DLG2: variants seen among roughly 807,000 people sequenced by gnomAD.
The protein encoded by DLG2 is discs large MAGUK scaffold protein 2.
A neutral mutation model predicts 132.5 loss-of-function variants in DLG2; 45 were observed. The observed-to-expected ratio is 0.34, with a 90% CI of 0.27 to 0.44. The LOEUF is 0.44. Among genes scored for constraint, DLG2 ranks in the 20% least tolerant of loss-of-function variants. The pLI, the probability that DLG2 is intolerant of heterozygous loss-of-function variation, is 1.00. For synonymous variants in DLG2, 424 were observed against 419.6 expected (o/e 1.01, Z -0.13); for missense variants, 1,045 against 1,196.9 (o/e 0.87, Z 1.87).
chr11:84,247,701 GTC>G (rs1328648240), intron 8 of DLG2, among the ~76,000 whole-genome samples: 1 of 152,014 alleles, frequency 6.6e-6, no homozygotes, highest in East Asian at 1.9e-4. Flanking sequence ...ATAAAAAGAA[GTC>G]TCTTTAAATA....
At chr11:85,277,827 AG>A (rs2077985890) in intron 4 of DLG2, among the ~76,000 whole-genome samples, 1 of 152,146 alleles carries the variant, frequency 6.6e-6, no homozygotes, top group South Asian at 2.1e-4. Flanking sequence ...CCAGGTACCT[AG>A]TTGAACAGTT....
At chr11:85,622,415 C>T (rs12417341) in intron 2 of DLG2, among the ~76,000 whole-genome samples, 17,356 of 151,918 alleles carry the variant, frequency 0.11, 1,247 homozygotes, top group East Asian at 0.29. Context: ...ACATATTCCC[C>T]CTCTTATTGA....
intron 6 of DLG2, among the ~76,000 whole-genome samples, chr11:85,100,648 T>C (rs891916349): frequency 1.3e-5 from 2 of 152,016 alleles, no homozygotes; most frequent in African/African-American, 4.8e-5. Flanking sequence ...CCAAGGCAAA[T>C]CTCCTTGCAC....
chr11:83,850,160 G>GTGTGTGTGTGTTTTTT (rs1452960432), intron 16 of DLG2, among the ~76,000 whole-genome samples: 5 of 124,304 alleles, frequency 4.0e-5, no homozygotes, highest in African/African-American at 1.8e-4. Context: ...GTGTGTGTGT[G>GTGTGTGTGTGTTTTTT]TTTTTTTACT....
At chr11:83,486,310 T>C (rs954546741) in intron 21 of DLG2, 19 of 647,862 alleles carry the variant, frequency 2.9e-5, no homozygotes, top group Non-Finnish European at 4.4e-5. Context: ...CTGCAAGGTA[T>C]GTTAGACATT....
intron 17 of DLG2, among the ~76,000 whole-genome samples, chr11:83,823,026 G>T (rs555881120): frequency 6.6e-6 from 1 of 152,036 alleles, no homozygotes. Context: ...TATCCTGAAG[G>T]TACCCTATGA....
chr11:85,528,175 G>A (rs535558963), intron 3 of DLG2, among the ~76,000 whole-genome samples: 5 of 152,242 alleles, frequency 3.3e-5, no homozygotes, highest in South Asian at 2.1e-4. Context: ...CTGAGCAGAC[G>A]CTCTTTAGTT....
chr11:83,585,131 A>T (rs749058020), intron 19 of DLG2, among the ~76,000 whole-genome samples: 2 of 152,234 alleles, frequency 1.3e-5, no homozygotes, highest in Non-Finnish European at 2.9e-5. Flanking sequence ...TAATCATAAA[A>T]TATTACATGG....
At chr11:84,861,415 C>A (rs921195975) in intron 6 of DLG2, among the ~76,000 whole-genome samples, 46 of 151,896 alleles carry the variant, frequency 3.0e-4, no homozygotes, top group African/African-American at 1.1e-3. Flanking sequence ...ATCTTGATTT[C>A]CTATCATTTG....
intron 7 of DLG2, among the ~76,000 whole-genome samples, chr11:84,411,073 A>C (rs1438648029): frequency 6.6e-6 from 1 of 152,224 alleles, no homozygotes. Context: ...AGAGCTATGC[A>C]GTGAAAAGGC....
intron 7 of DLG2, among the ~76,000 whole-genome samples, chr11:84,499,985 G>C (rs1007706730): frequency 6.6e-6 from 1 of 151,948 alleles, no homozygotes; most frequent in African/African-American, 2.4e-5. Flanking sequence ...AATTACTGAT[G>C]ATCTACATGT....
intron 6 of DLG2, among the ~76,000 whole-genome samples, chr11:84,915,719 C>T (rs1017313983): frequency 3.9e-5 from 6 of 152,102 alleles, no homozygotes; most frequent in Admixed American, 2.6e-4. Flanking sequence ...GGAAACTCTC[C>T]TTGTTGTGCA....
chr11:83,998,503 C>A (rs1384974908), intron 11 of DLG2, among the ~76,000 whole-genome samples: 1 of 152,118 alleles, frequency 6.6e-6, no homozygotes, highest in Non-Finnish European at 1.5e-5. Flanking sequence ...AAAAAGGAAG[C>A]AAGGCATCCT....
chr11:84,544,088 C>G (rs2099384704), intron 6 of DLG2, among the ~76,000 whole-genome samples: 1 of 152,308 alleles, frequency 6.6e-6, no homozygotes, highest in East Asian at 1.9e-4. Context: ...AGAACTTACT[C>G]TAGCTCAGTG....
chr11:84,974,101 G>A (rs1468572528), intron 6 of DLG2, among the ~76,000 whole-genome samples: 1 of 152,192 alleles, frequency 6.6e-6, no homozygotes, highest in Admixed American at 6.6e-5. Context: ...GTAGGAGAGG[G>A]AAAGCCAAGG....
intron 6 of DLG2, among the ~76,000 whole-genome samples, chr11:84,740,285 A>C (rs962191367): frequency 6.6e-6 from 1 of 151,988 alleles, no homozygotes; most frequent in African/African-American, 2.4e-5. Context: ...GCAGATCAGC[A>C]CAAAGGCAAG....
At chr11:85,222,086 G>T (rs2074684175) in intron 4 of DLG2, among the ~76,000 whole-genome samples, 1 of 151,932 alleles carries the variant, frequency 6.6e-6, no homozygotes. Flanking sequence ...CTACAGGTGT[G>T]CTCCACCACA....
chr11:84,152,678 G>C (rs994814722), intron 9 of DLG2, among the ~76,000 whole-genome samples: 1 of 151,978 alleles, frequency 6.6e-6, no homozygotes, highest in African/African-American at 2.4e-5. Flanking sequence ...AAGCCACCGC[G>C]CCCGGCCTCT....
intron 3 of DLG2, among the ~76,000 whole-genome samples, chr11:85,565,504 A>G (rs1322103654): frequency 6.6e-6 from 1 of 151,894 alleles, no homozygotes; most frequent in African/African-American, 2.4e-5. Context: ...TTAAGCTGTC[A>G]CTCCCCATTC....
Sources: gnomAD v4.1 joint callset for allele counts (sites outside exome capture counted in the v4.1 genomes callset) on GRCh38, gnomAD v4.1.1 for gene constraint, MANE v1.5 for transcripts, NCBI Gene and HGNC (gene_info 2026-07-23, HGNC 2026-07-21) for gene names.